Variants in EHBP1 observed in about 807,000 individuals in gnomAD.
EHBP1 encodes the protein EH domain binding protein 1, also known as EH domain-binding protein 1.
EHBP1 carries 55 observed loss-of-function variants against 144.0 expected under a neutral mutation model. That is an observed-to-expected ratio of 0.38 (90% confidence interval 0.31 to 0.48). The LOEUF (loss-of-function observed/expected upper bound fraction) is 0.48, where lower values mean the gene tolerates loss of function less well. Among genes scored for constraint, EHBP1 ranks in the 20% least tolerant of loss-of-function variants. EHBP1 has a pLI of 0.98. For missense variants in EHBP1, 1,200 were observed against 1,364.2 expected (o/e 0.88, Z 1.90); for synonymous variants, 469 against 472.7 (o/e 0.99, Z 0.10).
intron 7 of EHBP1, among the ~76,000 whole-genome samples, chr2:62,837,617 T>C (rs1170590669): frequency 6.7e-6 from 1 of 148,486 alleles, no homozygotes; most frequent in African/African-American, 2.5e-5. Flanking sequence ...GAGACACACA[T>C]AGGCTCAAAA....
chr2:62,751,618 C>A (rs1173665437), intron 3 of EHBP1, among the ~76,000 whole-genome samples: 4 of 152,068 alleles, frequency 2.6e-5, no homozygotes, highest in African/African-American at 9.7e-5. Context: ...TGGTCCTCGA[C>A]TTTTTTTGGT....
intron 8 of EHBP1, among the ~76,000 whole-genome samples, chr2:62,862,111 A>G (rs797019644): frequency 1.3e-5 from 2 of 152,152 alleles, no homozygotes; most frequent in South Asian, 4.1e-4. Context: ...AAAAGATACT[A>G]TTACTGAGTC....
intron 1 of EHBP1, among the ~76,000 whole-genome samples, chr2:62,690,901 T>C (rs58580924): frequency 0.016 from 2,426 of 152,318 alleles, 63 homozygotes; most frequent in African/African-American, 0.055. Context: ...TTAGCTGATA[T>C]GAAAATGCCA....
chr2:62,885,531 A>T (rs539151609), intron 10 of EHBP1, among the ~76,000 whole-genome samples: 1 of 152,348 alleles, frequency 6.6e-6, no homozygotes, highest in South Asian at 2.1e-4. Context: ...AAATTAATGA[A>T]TATGCAAACT....
chr2:63,020,678 C>CTT (rs577103278), intron 19 of EHBP1, among the ~76,000 whole-genome samples: 3 of 144,974 alleles, frequency 2.1e-5, no homozygotes, highest in African/African-American at 7.5e-5. Flanking sequence ...TTTTTTCTTT[C>CTT]TTTTTTTTTT....
At chr2:63,018,848 T>C (rs1026626252) in intron 19 of EHBP1, among the ~76,000 whole-genome samples, 1 of 152,184 alleles carries the variant, frequency 6.6e-6, no homozygotes, top group Non-Finnish European at 1.5e-5. Context: ...TGCAATAAAA[T>C]TTTTTAACAT....
At chr2:62,681,952 A>C (rs1363899269) in intron 1 of EHBP1, among the ~76,000 whole-genome samples, 1 of 152,324 alleles carries the variant, frequency 6.6e-6, no homozygotes, top group South Asian at 2.1e-4. Context: ...CTGGGCACAA[A>C]ATGAAGTTAT....
chr2:62,692,827 T>C (rs936988060), intron 1 of EHBP1, among the ~76,000 whole-genome samples: 1 of 152,128 alleles, frequency 6.6e-6, no homozygotes, highest in African/African-American at 2.4e-5. Flanking sequence ...TGTGTAATAA[T>C]CACATCAGGG....
intron 2 of EHBP1, among the ~76,000 whole-genome samples, chr2:62,729,335 TATATATAA>T: frequency 8.0e-6 from 1 of 125,180 alleles, no homozygotes; most frequent in Non-Finnish European, 1.6e-5. Context: ...TATAATATAA[TATATATAA>T]TATATATAAT....
At chr2:62,866,319 A>C (rs553065412) in intron 9 of EHBP1, among the ~76,000 whole-genome samples, 2 of 152,348 alleles carry the variant, frequency 1.3e-5, no homozygotes, top group Non-Finnish European at 2.9e-5. Context: ...TCCAGCACAC[A>C]AAACATGAAA....
intron 5 of EHBP1, among the ~76,000 whole-genome samples, chr2:62,795,705 A>G (rs1005456792): frequency 2.0e-5 from 3 of 152,104 alleles, no homozygotes; most frequent in African/African-American, 7.2e-5. Flanking sequence ...GGGAACTTGT[A>G]TACTTTTCCT....
intron 10 of EHBP1, among the ~76,000 whole-genome samples, chr2:62,908,626 G>C (rs1168177920): frequency 6.6e-6 from 1 of 152,012 alleles, no homozygotes; most frequent in South Asian, 2.1e-4. Context: ...TTTACATCCA[G>C]GTCAAAATAC....
rs2048098598 is a variant in EHBP1, at chr2:62,843,819, T to G, written c.634+12661T>G. ...AGCTCAAGAAAACAAAATGGACATA[T>G]TTTATAAGCATGGTTACAAATAAAG... is the stretch of plus-strand genomic sequence containing the variant. On this transcript the variant is annotated intron_variant, in intron 7 of 22. Coordinates refer to ENST00000431489, the MANE Select transcript of EHBP1 (RefSeq NM_001142616.3). Among the ~76,000 whole-genome samples the G allele has an allele frequency of 3.3e-5, 5 of 152,286 alleles. No individual in the cohort carries two copies. The South Asian group carries it at 1.0e-3, about 32-fold the overall frequency.
chr2:62,840,758 A>G (rs1426795414), intron 7 of EHBP1, among the ~76,000 whole-genome samples: 2 of 151,828 alleles, frequency 1.3e-5, no homozygotes, highest in East Asian at 1.9e-4. Context: ...ATCACTGGCC[A>G]TCAGAGAAAT....
chr2:62,792,387 C>A (rs570773781), intron 5 of EHBP1, among the ~76,000 whole-genome samples: 1 of 152,090 alleles, frequency 6.6e-6, no homozygotes, highest in East Asian at 1.9e-4. Context: ...AGGCAGTGAG[C>A]CCAGAGTCAG....
At chr2:62,829,589 GTGTGTGTA>G (rs2046637728) in intron 6 of EHBP1, among the ~76,000 whole-genome samples, 3 of 146,996 alleles carry the variant, frequency 2.0e-5, no homozygotes, top group African/African-American at 7.4e-5. Flanking sequence ...GTGTGTGTGT[GTGTGTGTA>G]TATATATATT....
chr2:63,033,181 A>G (rs542970232), intron 19 of EHBP1, among the ~76,000 whole-genome samples: 107 of 152,220 alleles, frequency 7.0e-4, no homozygotes, highest in African/African-American at 2.3e-3. Flanking sequence ...TCTTTCGTCC[A>G]TTAAATACCA....
intron 3 of EHBP1, among the ~76,000 whole-genome samples, chr2:62,757,251 C>T (rs1005584809): frequency 2.0e-5 from 3 of 151,840 alleles, no homozygotes; most frequent in Non-Finnish European, 4.4e-5. Context: ...ACCTCAGCCT[C>T]CCAGGCAGCT....
At chr2:62,919,382 G>A (rs1292729158) in intron 10 of EHBP1, among the ~76,000 whole-genome samples, 1 of 152,172 alleles carries the variant, frequency 6.6e-6, no homozygotes, top group Non-Finnish European at 1.5e-5. Flanking sequence ...ATATATAGGG[G>A]AAATTATGAA....
Sources: gnomAD v4.1 joint callset for allele counts (sites outside exome capture counted in the v4.1 genomes callset) on GRCh38, gnomAD v4.1.1 for gene constraint, MANE v1.5 for transcripts, NCBI Gene and HGNC (gene_info 2026-07-23, HGNC 2026-07-21) for gene names.